Variants in LSAMP observed in about 807,000 individuals in gnomAD.
LSAMP encodes the protein limbic system associated membrane protein, also known as limbic system-associated membrane protein.
In LSAMP, 7 loss-of-function variants were observed where a neutral mutation model predicts 38.6. That is an observed-to-expected ratio of 0.18 (90% CI 0.10 to 0.34). The LOEUF is 0.34. Among genes scored for constraint, LSAMP ranks in the 10% least tolerant of loss-of-function variants. LSAMP has a pLI of 1.00. For missense variants in LSAMP, 313 were observed against 420.0 expected, an observed-to-expected ratio of 0.75 and a Z score of 2.23; for synonymous variants, 154 against 166.8, an observed-to-expected ratio of 0.92 and a Z score of 0.59.
Position 116,111,504 on chromosome 3 carries a change from T to C in LSAMP, c.156-24948A>G, listed in dbSNP as rs138377465. Among the ~76,000 whole-genome samples, 223 of 152,340 alleles carry C rather than the reference T, an allele frequency of 1.5e-3. 8 individuals are homozygous for C. In the East Asian group the frequency reaches 0.038, roughly 26 times the overall value. On this transcript the variant is annotated intron_variant, in intron 1 of 6. Transcript: ENST00000490035. Reference sequence around the variant, plus strand: ...GGTTTATTTAGAATCACTTAATAAATGTTAATTTCAAAATATCTTCATTTT... The same window carrying C: ...GGTTTATTTAGAATCACTTAATAAACGTTAATTTCAAAATATCTTCATTTT...
chr3:116,143,823 G>A (rs1046224250), intron 1 of LSAMP, among the ~76,000 whole-genome samples: 12 of 151,552 alleles, frequency 7.9e-5, no homozygotes, highest in Non-Finnish European at 1.6e-4. Flanking sequence ...ACTTATTTAG[G>A]TTAGCTTCCC....
At chr3:115,956,061 C>T (rs751295757) in intron 3 of LSAMP, among the ~76,000 whole-genome samples, 3 of 152,100 alleles carry the variant, frequency 2.0e-5, no homozygotes, top group South Asian at 2.1e-4. Context: ...CAACTGTAGA[C>T]GACCATGATT....
chr3:115,852,498 T>G lies in LSAMP; in HGVS notation c.634A>C (p.Lys212Gln), dbSNP rs543233897. The change falls in exon 4 of 7, where the codon AAG becomes CAG. Residue 212 changes from lysine (K) to glutamine (Q), a missense_variant. Physicochemically the swap from Lys to Gln is moderately conservative, Grantham distance 53 (BLOSUM62 1). Coordinates refer to ENST00000490035, the MANE Select transcript of LSAMP (RefSeq NM_002338.5). The part of the protein sequence containing the change: ...EVSSADVKQV[K>Q]VTVNYPPTIT... The stretch of plus-strand genomic sequence containing the variant: ...CCGTACTCACAGTTCACAGTGACCT[T>G]GACTTGTTTGACATCCGCCGAGGAG... The G allele has an allele frequency of 6.8e-6, 11 of 1,612,562 alleles. No homozygotes were observed. In the East Asian group the frequency reaches 2.0e-4, roughly 30 times the overall value.
intron 3 of LSAMP, among the ~76,000 whole-genome samples, chr3:115,997,890 A>G (rs1170998245): frequency 1.4e-5 from 2 of 146,572 alleles, no homozygotes; most frequent in South Asian, 2.1e-4. Flanking sequence ...ATTATTATAT[A>G]TTCTAATATA....
chr3:116,296,236 T>G (rs935524880), intron 1 of LSAMP, among the ~76,000 whole-genome samples: 1 of 152,206 alleles, frequency 6.6e-6, no homozygotes, highest in African/African-American at 2.4e-5. Context: ...ATTTTCTGGA[T>G]TATTTAAACC....
intron 3 of LSAMP, among the ~76,000 whole-genome samples, chr3:115,937,650 G>GAAA (rs60829726): frequency 2.1e-5 from 3 of 145,894 alleles, no homozygotes; most frequent in Non-Finnish European, 3.0e-5. Context: ...AATAAGAAAA[G>GAAA]AAAAAAAAAA....
intron 3 of LSAMP, among the ~76,000 whole-genome samples, chr3:115,960,850 A>T (rs1938602947): frequency 6.6e-6 from 1 of 152,228 alleles, no homozygotes; most frequent in Non-Finnish European, 1.5e-5. Flanking sequence ...CCCATGGAGA[A>T]CTTTCTTTAA....
chr3:116,043,972 G>A (rs6801473), intron 2 of LSAMP, among the ~76,000 whole-genome samples: 9,983 of 152,192 alleles, frequency 0.066, 1,051 homozygotes, highest in African/African-American at 0.22. Context: ...AAAAATTAAA[G>A]AAAAATTCTT....
chr3:115,829,566 T>G (rs1475760059), intron 6 of LSAMP, among the ~76,000 whole-genome samples: 1 of 152,152 alleles, frequency 6.6e-6, no homozygotes, highest in Non-Finnish European at 1.5e-5. Context: ...AGGACATACT[T>G]TATACCCTTG....
intron 1 of LSAMP, among the ~76,000 whole-genome samples, chr3:116,367,600 G>T (rs1387880912): frequency 1.3e-5 from 2 of 150,878 alleles, no homozygotes; most frequent in African/African-American, 2.4e-5. Context: ...TGCCTCTCAG[G>T]TTCAAGCGAT....
At chr3:115,987,312 A>G (rs567891522) in intron 3 of LSAMP, among the ~76,000 whole-genome samples, 2 of 152,170 alleles carry the variant, frequency 1.3e-5, no homozygotes, top group Non-Finnish European at 1.5e-5. Flanking sequence ...GTTATGAGCT[A>G]GTGCCTTTCC....
intron 1 of LSAMP, among the ~76,000 whole-genome samples, chr3:116,305,869 G>A (rs980532478): frequency 1.3e-5 from 2 of 150,652 alleles, no homozygotes; most frequent in African/African-American, 4.9e-5. Context: ...CCCAGTCTGA[G>A]ATAATCTGAA....
At chr3:115,921,307 G>C (rs1465773503) in intron 3 of LSAMP, among the ~76,000 whole-genome samples, 2 of 151,612 alleles carry the variant, frequency 1.3e-5, no homozygotes, top group Non-Finnish European at 2.9e-5. Flanking sequence ...CATTGATCTT[G>C]TAGTGACATG....
intron 3 of LSAMP, among the ~76,000 whole-genome samples, chr3:115,987,075 A>G (rs1939529753): frequency 6.6e-6 from 1 of 152,192 alleles, no homozygotes; most frequent in Admixed American, 6.5e-5. Context: ...AGAAGGGGAC[A>G]GTATGCTATG....
chr3:116,127,695 ATTTT>A (rs67470158), intron 1 of LSAMP, among the ~76,000 whole-genome samples: 1,972 of 96,570 alleles, frequency 0.02, 32 homozygotes, highest in African/African-American at 0.063. Context: ...GTGTTTGTTC[ATTTT>A]TTTTTTTTTT....
chr3:116,065,789 C>T (rs534168047), intron 2 of LSAMP, among the ~76,000 whole-genome samples: 28 of 152,244 alleles, frequency 1.8e-4, no homozygotes, highest in East Asian at 1.2e-3. Context: ...GTTAGCAAAA[C>T]GGGCAAACAA....
intron 1 of LSAMP, among the ~76,000 whole-genome samples, chr3:116,285,359 T>TC (rs2047181257): frequency 6.6e-6 from 1 of 152,100 alleles, no homozygotes; most frequent in African/African-American, 2.4e-5. Context: ...TCTCCCTTTT[T>TC]CTCTTATAGA....
chr3:116,403,380 T>C (rs1448261001), intron 1 of LSAMP, among the ~76,000 whole-genome samples: 2 of 152,180 alleles, frequency 1.3e-5, no homozygotes, highest in African/African-American at 4.8e-5. Flanking sequence ...ATTAAGATAT[T>C]CATCTTAAGG....
chr3:116,340,735 G>A (rs2047981351), intron 1 of LSAMP, among the ~76,000 whole-genome samples: 1 of 151,988 alleles, frequency 6.6e-6, no homozygotes. Context: ...AATACTGTGT[G>A]TAAACTCAGA....
Sources: allele counts gnomAD v4.1 joint callset (sites outside exome capture counted in the v4.1 genomes callset), GRCh38; gene constraint gnomAD v4.1.1; transcripts MANE v1.5; gene names NCBI Gene and HGNC (gene_info 2026-07-23, HGNC 2026-07-21).